LUZP2: variants seen among roughly 807,000 people sequenced by gnomAD.
The protein encoded by LUZP2 is leucine zipper protein 2.
LUZP2 carries 52 observed loss-of-function variants against 51.6 expected under a neutral mutation model. That is an observed-to-expected ratio of 1.01 (90% CI 0.81 to 1.27). The LOEUF (loss-of-function observed/expected upper bound fraction) is 1.27. LUZP2 is among the 50% of genes most tolerant of loss of function. The pLI is 0.00. For synonymous variants in LUZP2, 154 were observed against 137.3 expected (o/e 1.12, Z -0.85); for missense variants, 436 against 395.4 (o/e 1.10, Z -0.87).
At chr11:24,966,999 A>C (rs11028307) in intron 7 of LUZP2, among the ~76,000 whole-genome samples, 56,193 of 150,630 alleles carry the variant, frequency 0.37, 12,618 homozygotes, top group East Asian at 0.72. Context: ...GTCTTTCTCA[A>C]CAATCAAATA....
intron 5 of LUZP2, among the ~76,000 whole-genome samples, chr11:24,886,383 C>A (rs1057038858): frequency 6.6e-6 from 1 of 152,132 alleles, no homozygotes; most frequent in African/African-American, 2.4e-5. Flanking sequence ...CAAAACAATT[C>A]TATAAATAAT....
In LUZP2 at chr11:25,030,916, TA is replaced by T. The variant is rs1366098107; in HGVS notation, c.766-19121del. ...TTATATATATATATAATATATATTG[TA>T]TTATATATATATAATATATATTATA... On this transcript the variant is annotated intron_variant, in intron 9 of 11. Coordinates refer to ENST00000336930, the MANE Select transcript of LUZP2 (RefSeq NM_001009909.4). Among the ~76,000 whole-genome samples, 237 of 24,912 alleles carry T rather than the reference TA, an allele frequency of 9.5e-3. 37 individuals carry two copies. Among genetic ancestry groups the T allele is most frequent in the South Asian group, 0.037 (33 of 898 alleles). 16.3% of individuals were successfully genotyped at this position (24,912 alleles called of 152,430 possible). A position where few individuals can be genotyped will look rare whatever the true frequency, so the allele number is the denominator to read the frequency against.
intron 10 of LUZP2, among the ~76,000 whole-genome samples, chr11:25,060,509 A>T (rs1858805929): frequency 1.3e-5 from 2 of 152,226 alleles, no homozygotes; most frequent in Non-Finnish European, 2.9e-5. Context: ...TTCAGATAGC[A>T]GCAAAATTCT....
intron 1 of LUZP2, among the ~76,000 whole-genome samples, chr11:24,622,512 C>T (rs1016934941): frequency 6.6e-6 from 1 of 152,086 alleles, no homozygotes; most frequent in Admixed American, 6.6e-5. Flanking sequence ...CACCAGGCCT[C>T]CTCACAAACT....
chr11:24,965,368 C>T (rs1399540860), intron 7 of LUZP2, among the ~76,000 whole-genome samples: 2 of 151,070 alleles, frequency 1.3e-5, no homozygotes, highest in Non-Finnish European at 3.0e-5. Flanking sequence ...AGAAAACTCT[C>T]TCTGCCAAGG....
At chr11:24,963,155 A>G (rs975435508) in intron 7 of LUZP2, among the ~76,000 whole-genome samples, 104 of 152,202 alleles carry the variant, frequency 6.8e-4, no homozygotes, top group Non-Finnish European at 5.1e-4. Flanking sequence ...GGCCGTGTGA[A>G]GTGTCAGTCT....
intron 7 of LUZP2, among the ~76,000 whole-genome samples, chr11:24,944,328 G>A (rs1178972098): frequency 6.6e-6 from 1 of 152,186 alleles, no homozygotes; most frequent in Non-Finnish European, 1.5e-5. Context: ...ATGGCTCTGA[G>A]AGGTTAAGGC....
chr11:24,671,756 C>T (rs1856408232), intron 1 of LUZP2, among the ~76,000 whole-genome samples: 1 of 152,082 alleles, frequency 6.6e-6, no homozygotes, highest in Non-Finnish European at 1.5e-5. Context: ...ATTACACGAA[C>T]CTAGTTGGAA....
chr11:24,525,741 C>G (rs1850779527), intron 1 of LUZP2, among the ~76,000 whole-genome samples: 1 of 151,362 alleles, frequency 6.6e-6, no homozygotes, highest in Non-Finnish European at 1.5e-5. Flanking sequence ...TATACACACA[C>G]ACAGTCCTCC....
intron 5 of LUZP2, among the ~76,000 whole-genome samples, chr11:24,800,579 A>G (rs1849669989): frequency 6.6e-6 from 1 of 151,950 alleles, no homozygotes; most frequent in South Asian, 2.1e-4. Flanking sequence ...AAACCCAAAA[A>G]ACTCAGGGAG....
intron 1 of LUZP2, among the ~76,000 whole-genome samples, chr11:24,705,862 A>G (rs1467875425): frequency 3.9e-5 from 6 of 152,138 alleles, no homozygotes; most frequent in Non-Finnish European, 8.8e-5. Context: ...ATGACATGCA[A>G]ATTGAAAATA....
chr11:24,792,384 A>G (rs942291864), intron 5 of LUZP2, among the ~76,000 whole-genome samples: 4 of 151,844 alleles, frequency 2.6e-5, no homozygotes, highest in Non-Finnish European at 5.9e-5. Flanking sequence ...CCAAGATTGC[A>G]CCACTGCACT....
intron 4 of LUZP2, among the ~76,000 whole-genome samples, chr11:24,743,709 A>C (rs1565112443): frequency 6.6e-6 from 1 of 152,120 alleles, no homozygotes; most frequent in African/African-American, 2.4e-5. Context: ...TGCTCTGGAT[A>C]GGACTTCCAA....
chr11:24,646,395 C>A (rs1855463592), intron 1 of LUZP2, among the ~76,000 whole-genome samples: 1 of 152,030 alleles, frequency 6.6e-6, no homozygotes, highest in Non-Finnish European at 1.5e-5. Context: ...GTTTAGTTTA[C>A]TTACTTAAAC....
At chr11:24,792,638 G>A (rs1157656964) in intron 5 of LUZP2, among the ~76,000 whole-genome samples, 1 of 152,098 alleles carries the variant, frequency 6.6e-6, no homozygotes, top group Non-Finnish European at 1.5e-5. Context: ...TTTTAGCCAA[G>A]TAGTAAAAAG....
intron 9 of LUZP2, among the ~76,000 whole-genome samples, chr11:24,997,571 C>T (rs991249995): frequency 2.4e-4 from 36 of 152,150 alleles, no homozygotes; most frequent in Admixed American, 1.4e-3. Flanking sequence ...TTGTAGGTTG[C>T]CTGTTCACTC....
intron 5 of LUZP2, among the ~76,000 whole-genome samples, chr11:24,858,283 A>G (rs1872720): frequency 0.54 from 81,544 of 151,946 alleles, 23,483 homozygotes; most frequent in Middle Eastern, 0.66. Context: ...CTCATTACAG[A>G]ATGGAAAACA....
At chr11:24,867,093 A>C (rs1851923025) in intron 5 of LUZP2, among the ~76,000 whole-genome samples, 1 of 152,122 alleles carries the variant, frequency 6.6e-6, no homozygotes, top group African/African-American at 2.4e-5. Flanking sequence ...ATAGAGTATA[A>C]ATTATGGACC....
chr11:25,033,169 C>T (rs1162560176), intron 9 of LUZP2, among the ~76,000 whole-genome samples: 1 of 152,150 alleles, frequency 6.6e-6, no homozygotes, highest in African/African-American at 2.4e-5. Flanking sequence ...ACAAATGGTG[C>T]ATGTGTTTTC....
Sources: gnomAD v4.1 joint callset for allele counts (sites outside exome capture counted in the v4.1 genomes callset) on GRCh38, gnomAD v4.1.1 for gene constraint, MANE v1.5 for transcripts, NCBI Gene and HGNC (gene_info 2026-07-23, HGNC 2026-07-21) for gene names.